FGF13: variants seen among roughly 807,000 people sequenced by gnomAD.
The protein encoded by FGF13 is fibroblast growth factor 13.
FGF13 carries 2 observed loss-of-function variants against 19.5 expected under a neutral mutation model. The ratio of observed to expected loss-of-function variants is 0.10; its 90% CI spans 0.04 to 0.32. FGF13 has a LOEUF of 0.32. FGF13 is among the 10% of genes least tolerant of loss of function. The pLI is 1.00. For synonymous variants in FGF13, 72 were observed against 76.9 expected (o/e 0.94, Z 0.33); for missense variants, 113 against 192.7 (o/e 0.59, Z 2.45).
rs1569447250 is a variant in FGF13, at chrX:139,052,265, TA to T, written c.-113+151150del. ...AAAAAATGGAAGTAAAAGATAAAAA[TA>T]AAAAATATAAACTTTATTCCTCAAT... On this transcript the variant is annotated intron_variant, in intron 1 of 2. Transcript: ENST00000421460. Among the ~76,000 whole-genome samples the T allele has an allele frequency of 5.4e-5, 6 of 111,238 alleles. No homozygotes were observed. In the South Asian group the frequency reaches 2.3e-3, roughly 42 times the overall value.
At chrX:138,836,114 C>A (rs1185645211) in intron 3 of FGF13, among the ~76,000 whole-genome samples, 1 of 111,200 alleles carries the variant, frequency 9.0e-6, no homozygotes, top group Admixed American at 9.5e-5. Context: ...CTGCCTGTAA[C>A]ATTTTTTCTT....
At chrX:138,740,038 T>C (rs1319188640), upstream of FGF13, among the ~76,000 whole-genome samples, 1 of 112,272 alleles carries the variant, frequency 8.9e-6, no homozygotes, top group East Asian at 2.8e-4. Flanking sequence ...ATAGTGTTAA[T>C]ATAGGAATCA....
chrX:138,848,974 TG>T (rs1455173652), intron 3 of FGF13, among the ~76,000 whole-genome samples: 1 of 111,958 alleles, frequency 8.9e-6, no homozygotes, highest in Non-Finnish European at 1.9e-5. Flanking sequence ...AGTCATGGAT[TG>T]GTAACAAAGA....
chrX:138,954,153 C>T (rs1410661271), intron 1 of FGF13, among the ~76,000 whole-genome samples: 2 of 106,602 alleles, frequency 1.9e-5, no homozygotes, highest in African/African-American at 6.8e-5. Flanking sequence ...GAAGAGCAAG[C>T]TTTAAAATCA....
At chrX:138,869,653 T>C (rs1265146227) in intron 1 of FGF13, among the ~76,000 whole-genome samples, 1 of 112,596 alleles carries the variant, frequency 8.9e-6, no homozygotes, top group East Asian at 2.8e-4. Context: ...CTATTTGCTG[T>C]GGAGGAATTT....
intron 3 of FGF13, among the ~76,000 whole-genome samples, chrX:138,825,842 C>T (rs771043574): frequency 8.9e-6 from 1 of 111,793 alleles, no homozygotes; most frequent in African/African-American, 3.2e-5. Context: ...TTTAGGCTTC[C>T]TACCAATAGT....
intron 1 of FGF13, among the ~76,000 whole-genome samples, chrX:138,924,180 C>T (rs950874795): frequency 8.9e-6 from 1 of 112,078 alleles, no homozygotes; most frequent in Non-Finnish European, 1.9e-5. Flanking sequence ...TATTGGCTCA[C>T]ATATGGGATG....
chrX:139,099,035 T>C (rs1185712171), intron 1 of FGF13, among the ~76,000 whole-genome samples: 3 of 111,222 alleles, frequency 2.7e-5, no homozygotes, highest in Non-Finnish European at 5.7e-5. Context: ...GTACCCCTGC[T>C]AGGAGAAAAT....
intron 1 of FGF13, among the ~76,000 whole-genome samples, chrX:139,155,657 G>A (rs1316433452): frequency 1.8e-5 from 2 of 112,347 alleles, no homozygotes; most frequent in East Asian, 5.6e-4. Context: ...GCAGAAATGT[G>A]CAAAAGTTCT....
chrX:139,089,309 C>T (rs1403606234), intron 1 of FGF13, among the ~76,000 whole-genome samples: 1 of 112,042 alleles, frequency 8.9e-6, no homozygotes, highest in Non-Finnish European at 1.9e-5. Context: ...TTGGAAACTC[C>T]TGGACTGCAT....
intron 1 of FGF13, among the ~76,000 whole-genome samples, chrX:139,185,311 A>G (rs1237843094): frequency 8.9e-6 from 1 of 112,423 alleles, no homozygotes; most frequent in Non-Finnish European, 1.9e-5. Context: ...TTAACCCACT[A>G]TATAATACTG....
chrX:138,902,351 T>A (rs139535508), intron 1 of FGF13, among the ~76,000 whole-genome samples: 1 of 112,089 alleles, frequency 8.9e-6, no homozygotes, highest in South Asian at 3.7e-4. Flanking sequence ...CCTATAAGCT[T>A]GAAAACAAAG....
intron 3 of FGF13, among the ~76,000 whole-genome samples, chrX:138,649,177 T>C (rs945504149): frequency 4.5e-5 from 5 of 111,765 alleles, no homozygotes; most frequent in Non-Finnish European, 9.4e-5. Flanking sequence ...CATTATAAGT[T>C]GCATCATTTA....
chrX:139,093,843 A>C lies in FGF13; in HGVS notation c.-113+109573T>G, dbSNP rs184961471. 9.8e-5 allele frequency among the ~76,000 whole-genome samples: 11 copies of C among 112,296 alleles called. No individual in the cohort carries two copies. In the East Asian group the frequency reaches 2.8e-3, roughly 29 times the overall value. ...TCCAATAGCGAACAAGTGTAATGCT[A>C]CTATTCAGAGAACTGAATACATCAT... On this transcript the variant is annotated intron_variant, in intron 1 of 2. Coordinates refer to the FGF13 transcript ENST00000421460.
Position 139,126,285 on chromosome X carries a change from C to T in FGF13, c.-113+77131G>A, listed in dbSNP as rs141884714. 2.7e-4 allele frequency among the ~76,000 whole-genome samples: 30 copies of T among 111,617 alleles called. No homozygotes were observed. The East Asian group carries it at 8.3e-3, about 31-fold the overall frequency. ...TGTTTCTACTTGGCTAAGCCTTACT[C>T]ATTTTTAAAAATTCAGCTCAAGAGT... is the stretch of plus-strand genomic sequence containing the variant. On this transcript the variant is annotated intron_variant, in intron 1 of 2. Coordinates refer to the FGF13 transcript ENST00000421460.
intron 1 of FGF13, among the ~76,000 whole-genome samples, chrX:139,129,180 C>CACACACACAT (rs1556370086): frequency 9.5e-6 from 1 of 104,730 alleles, no homozygotes; most frequent in African/African-American, 3.5e-5. Flanking sequence ...CACACACACA[C>CACACACACAT]ATGTGTGTGT....
intron 1 of FGF13, among the ~76,000 whole-genome samples, chrX:139,072,329 A>G (rs1301908980): frequency 9.0e-6 from 1 of 110,498 alleles, no homozygotes; most frequent in Non-Finnish European, 1.9e-5. Flanking sequence ...CCATGTGAAG[A>G]CACAGCAATA....
At chrX:138,965,227 C>G (rs776796487) in intron 1 of FGF13, among the ~76,000 whole-genome samples, 85 of 112,317 alleles carry the variant, frequency 7.6e-4, no homozygotes, top group African/African-American at 2.7e-3. Context: ...ATGTCAACTC[C>G]CTTACTCATC....
chrX:138,952,685 A>C (rs1337198567), intron 1 of FGF13, among the ~76,000 whole-genome samples: 2 of 111,842 alleles, frequency 1.8e-5, no homozygotes, highest in Admixed American at 9.5e-5. Flanking sequence ...TCATCTGACA[A>C]AGGGCTAATA....
Sources: gnomAD v4.1 joint callset for allele counts (sites outside exome capture counted in the v4.1 genomes callset) on GRCh38, gnomAD v4.1.1 for gene constraint, MANE v1.5 for transcripts, NCBI Gene and HGNC (gene_info 2026-07-23, HGNC 2026-07-21) for gene names.